CLASP1: variants seen among roughly 807,000 people sequenced by gnomAD.
The protein encoded by CLASP1 is cytoplasmic linker associated protein 1.
A neutral mutation model predicts 192.3 loss-of-function variants in CLASP1; 38 were observed. The ratio of observed to expected loss-of-function variants is 0.20; its 90% CI spans 0.15 to 0.26. The LOEUF is 0.26. Among genes scored for constraint, CLASP1 ranks in the 10% least tolerant of loss-of-function variants. The probability of loss-of-function intolerance (pLI) is 1.00; values close to 1 mark genes in which losing one functional copy is unlikely to be tolerated. For synonymous variants in CLASP1, 691 were observed against 712.8 expected, an observed-to-expected ratio of 0.97 and a Z score of 0.49; for missense variants, 1,433 against 1,932.5, an observed-to-expected ratio of 0.74 and a Z score of 4.85.
At chr2:121,422,572 T>C (rs954103618) in intron 22 of CLASP1, among the ~76,000 whole-genome samples, 3 of 152,092 alleles carry the variant, frequency 2.0e-5, no homozygotes, top group Non-Finnish European at 4.4e-5. Context: ...ATAAAACAAC[T>C]TAAAAATACA....
chr2:121,578,489 GGAGGCC>G (rs1000151346), intron 2 of CLASP1, among the ~76,000 whole-genome samples: 1 of 150,324 alleles, frequency 6.7e-6, no homozygotes, highest in African/African-American at 2.4e-5. Context: ...CAACACTTTG[GGAGGCC>G]GAGGCTGGCG....
intron 1 of CLASP1, among the ~76,000 whole-genome samples, chr2:121,637,388 G>C (rs2071086051): frequency 6.6e-6 from 1 of 151,878 alleles, no homozygotes; most frequent in Admixed American, 6.6e-5. Context: ...AATGGTACTA[G>C]GACAACTGGC....
chr2:121,515,740 C>T, exon 7 of CLASP1: 1 of 1,613,898 alleles, frequency 6.2e-7, no homozygotes, highest in Non-Finnish European at 8.5e-7. Context: ...TTCCACTAAG[C>T]TGTTTATTGC....
intron 29 of CLASP1, 75 bp downstream of exon 30, chr2:121,398,247 G>C: frequency 9.6e-7 from 1 of 1,046,054 alleles, no homozygotes; most frequent in South Asian, 1.4e-5. Context: ...CTAAACATGG[G>C]TCATACATAA....
intron 26 of CLASP1, chr2:121,402,511 G>GA (rs979460478): frequency 1.8e-5 from 9 of 494,042 alleles, no homozygotes; most frequent in African/African-American, 1.6e-4. Flanking sequence ...GACAGCTCAG[G>GA]AAAAAGTCAT....
intron 14 of CLASP1, among the ~76,000 whole-genome samples, chr2:121,456,645 A>C (rs1448315804): frequency 6.6e-6 from 1 of 152,218 alleles, no homozygotes; most frequent in African/African-American, 2.4e-5. Context: ...AATTTGTTAA[A>C]AATAATAAAA....
At chr2:121,505,150 T>C (rs1410839920) in intron 7 of CLASP1, 1 of 152,226 alleles carries the variant, frequency 6.6e-6, no homozygotes. Context: ...TGTCTGCAAG[T>C]CTGCAAGTTA....
rs572336410 is a variant in CLASP1 at position 121,508,586 on chromosome 2, A to G, written c.645-5352T>C. On this transcript the variant is annotated intron_variant, in intron 7 of 39. Transcript: ENST00000263710. ...AGACTGCATAAACAAATAAGACTCA[A>G]CTTTATAGTGTCTACAAGAGACTCA... is the stretch of plus-strand genomic sequence containing the variant. Among the ~76,000 whole-genome samples, 17 of 152,316 alleles carry G rather than the reference A, an allele frequency of 1.1e-4. No homozygotes were observed. The East Asian group carries it at 3.3e-3, about 29-fold the overall frequency.
chr2:121,465,027 A>G (rs1015386542), intron 9 of CLASP1, among the ~76,000 whole-genome samples: 9 of 152,298 alleles, frequency 5.9e-5, no homozygotes, highest in Admixed American at 4.6e-4. Context: ...TCTCAAAATC[A>G]TAAGAGCTAT....
intron 3 of CLASP1, among the ~76,000 whole-genome samples, chr2:121,529,483 G>A (rs778333206): frequency 1.3e-5 from 2 of 152,140 alleles, no homozygotes; most frequent in African/African-American, 2.4e-5. Context: ...TTTTCAGAAG[G>A]AGCATATTGG....
At chr2:121,525,703 G>A (rs745899953) in intron 6 of CLASP1, 142 bp downstream of exon 6, 7 of 616,336 alleles carry the variant, frequency 1.1e-5, no homozygotes, top group Non-Finnish European at 1.7e-5. Context: ...TTTTATAAAT[G>A]CTAATGGGTA....
intron 1 of CLASP1, among the ~76,000 whole-genome samples, chr2:121,610,495 G>A (rs1465312089): frequency 6.8e-6 from 1 of 147,590 alleles, no homozygotes; most frequent in African/African-American, 2.5e-5. Context: ...AGAGGAGCTG[G>A]AGGAGGAAGA....
chr2:121,373,588 A>G (rs1291942264), intron 34 of CLASP1, among the ~76,000 whole-genome samples: 1 of 152,220 alleles, frequency 6.6e-6, no homozygotes, highest in Non-Finnish European at 1.5e-5. Flanking sequence ...AATAGTTGTG[A>G]CCAAAATGCT....
At chr2:121,529,798 G>A (rs185076700) in intron 3 of CLASP1, among the ~76,000 whole-genome samples, 184 of 152,320 alleles carry the variant, frequency 1.2e-3, no homozygotes, top group African/African-American at 4.3e-3. Flanking sequence ...TGGTTTTATA[G>A]GATTTCTCAA....
At chr2:121,477,226 T>C (rs1202471752) in intron 8 of CLASP1, among the ~76,000 whole-genome samples, 1 of 152,204 alleles carries the variant, frequency 6.6e-6, no homozygotes, top group Admixed American at 6.5e-5. Context: ...AAAATTTAAT[T>C]CTGGTAGTCC....
chr2:121,403,691 T>G, intron 26 of CLASP1: 1 of 455,210 alleles, frequency 2.2e-6, no homozygotes, highest in Middle Eastern at 3.3e-4. Flanking sequence ...TAAACTTCTG[T>G]AAAGATACCC....
exon 24 of CLASP1, chr2:121,410,881 A>T (rs992566717): frequency 1.2e-6 from 2 of 1,608,662 alleles, no homozygotes; most frequent in Admixed American, 3.4e-5. Context: ...CATCAGCAAC[A>T]GCAGCTTCAA....
At chr2:121,639,028 G>A (rs1017294421) in intron 1 of CLASP1, among the ~76,000 whole-genome samples, 8 of 152,172 alleles carry the variant, frequency 5.3e-5, no homozygotes, top group African/African-American at 1.9e-4. Context: ...TGTAATCCCA[G>A]CACTTTGGGA....
chr2:121,517,891 T>TTTTTA (rs2094351427), intron 6 of CLASP1, among the ~76,000 whole-genome samples: 1 of 75,174 alleles, frequency 1.3e-5, no homozygotes, highest in East Asian at 4.1e-4. Flanking sequence ...TTTTTTTTTT[T>TTTTTA]AGAAAAAGGA....
Sources: gnomAD v4.1 joint callset for allele counts (sites outside exome capture counted in the v4.1 genomes callset) on GRCh38, gnomAD v4.1.1 for gene constraint, MANE v1.5 for transcripts, NCBI Gene and HGNC (gene_info 2026-07-23, HGNC 2026-07-21) for gene names.